Variants in UTY observed in about 807,000 individuals in gnomAD.
UTY encodes the protein ubiquitously transcribed tetratricopeptide repeat containing, Y-linked.
Under a neutral mutation model 32.5 loss-of-function variants are expected in UTY, and 12 were observed. That is an observed-to-expected ratio of 0.37 (90% CI 0.24 to 0.60). The LOEUF is 0.60. UTY is among the 20% of genes least tolerant of loss of function. The pLI is 0.69. For missense variants in UTY, 303 were observed against 299.2 expected, an observed-to-expected ratio of 1.01 and a Z score of -0.09; for synonymous variants, 131 against 103.4, an observed-to-expected ratio of 1.27 and a Z score of -1.62.
intron 21 of UTY, among the ~76,000 whole-genome samples, chrY:13,319,047 C>A: frequency 3.0e-5 from 1 of 33,125 alleles, no homozygotes; most frequent in Non-Finnish European, 7.4e-5. Flanking sequence ...AATAGTAATA[C>A]TCCCCTTCAA....
rs1358609486 is a variant in UTY, at chrY:13,335,613, T to C, written c.2784A>G (p.Ser928=). 1 of 398,760 alleles carries C rather than the reference T, an allele frequency of 2.5e-6. No individual in the cohort carries two copies. Among genetic ancestry groups the C allele is most frequent in the Admixed American group, 7.4e-5 (1 of 13,505 alleles). The change falls in exon 18 of 30, where the codon TCA becomes TCG. Residue 928 remains serine (S), a synonymous_variant. Coordinates refer to ENST00000545955, the MANE Select transcript of UTY (RefSeq NM_001258249.2). ...AACTGGGGCATATAGACACTGACAT[T>C]GATGGTAAGATCTGAGAAGTAGATC... is the stretch of plus-strand genomic sequence containing the variant. ...SHRSTSQILP[S]MSVSICPSST...
intron 21 of UTY, among the ~76,000 whole-genome samples, chrY:13,312,149 T>C: frequency 8.9e-5 from 3 of 33,663 alleles, no homozygotes; most frequent in Admixed American, 5.3e-4. Flanking sequence ...TCCCAGCACT[T>C]TGGGAGGCCG....
intron 4 of UTY, among the ~76,000 whole-genome samples, chrY:13,423,530 G>A (rs954674792): frequency 6.0e-5 from 2 of 33,235 alleles, no homozygotes; most frequent in African/African-American, 1.2e-4. Context: ...TCTCTACAAA[G>A]TAGAAGCAGA....
chrY:13,450,719 G>A, intron 3 of UTY, among the ~76,000 whole-genome samples: 1 of 31,093 alleles, frequency 3.2e-5, no homozygotes, highest in African/African-American at 1.3e-4. Flanking sequence ...AGCTACTCGG[G>A]ACGCTGAGGC....
chrY:13,479,620 C>G lies in UTY; in HGVS notation c.46G>C (p.Gly16Arg), dbSNP rs764927293. The G allele has an allele frequency of 8.3e-5, 33 of 397,868 alleles. No homozygotes were observed. Among genetic ancestry groups the G allele is most frequent in the Non-Finnish European group, 1.1e-4 (32 of 283,051 alleles). The stretch of plus-strand genomic sequence containing the variant: ...TCCGCCATTTTCTTTGCCTCATCAC[C>G]GAAGGCAACAGCGGCGGTAGTGAGC... ...VSLTTAAVAFGDEAKKMAEGK... is the reference protein window; with the variant it reads ...VSLTTAAVAFRDEAKKMAEGK... The change falls in exon 1 of 30, where the codon GGT becomes CGT. Residue 16 changes from glycine to arginine, a missense_variant. Physicochemically the swap from Gly to Arg is moderately radical, Grantham distance 125 (BLOSUM62 -2). Transcript: ENST00000545955.
intron 4 of UTY, among the ~76,000 whole-genome samples, chrY:13,420,321 C>T: frequency 9.1e-5 from 3 of 33,116 alleles, no homozygotes; most frequent in Admixed American, 8.2e-4. Flanking sequence ...CAATCCTAAG[C>T]AAAAAGACAA....
chrY:13,377,719 C>A, intron 8 of UTY, among the ~76,000 whole-genome samples: 1 of 32,733 alleles, frequency 3.1e-5, no homozygotes, highest in Non-Finnish European at 7.5e-5. Context: ...TCTCAAAAAA[C>A]AAAAAACAAA....
Position 13,262,440 on chromosome Y carries a change from A to G in UTY, c.4011-2036T>C, listed in dbSNP as rs908963034. ...ACTCTCTTCTGCTCACCATCTGTCA[A>G]TTTTTGTACCTACTCACCCCACCAC... On this transcript the variant is annotated intron_variant, in intron 27 of 29. Transcript: ENST00000545955. Among the ~76,000 whole-genome samples the G allele has an allele frequency of 9.4e-5, 3 of 32,036 alleles. No individual in the cohort carries two copies. In the South Asian group the frequency reaches 2.1e-3, roughly 23 times the overall value. The allele number at this position is 32,036 out of a possible 37,273, so 85.9% of individuals were successfully genotyped here.
chrY:13,270,917 CA>C (rs2056262426), intron 27 of UTY, among the ~76,000 whole-genome samples: 1 of 32,491 alleles, frequency 3.1e-5, no homozygotes, highest in Non-Finnish European at 7.5e-5. Context: ...CTTTGTTTAC[CA>C]AAAATAAAAA....
chrY:13,276,834 G>A, intron 27 of UTY, among the ~76,000 whole-genome samples: 5 of 33,714 alleles, frequency 1.5e-4, no homozygotes, highest in Non-Finnish European at 3.7e-4. Context: ...AGAGAAGACT[G>A]TGGTAATATT....
At chrY:13,465,145 T>C (rs2077803932) in intron 3 of UTY, among the ~76,000 whole-genome samples, 1 of 33,011 alleles carries the variant, frequency 3.0e-5, no homozygotes, top group Non-Finnish European at 7.5e-5. Flanking sequence ...CAATATAAAA[T>C]AACAAAATAA....
At chrY:13,255,693 A>T (rs936178177) in intron 28 of UTY, among the ~76,000 whole-genome samples, 3 of 33,656 alleles carry the variant, frequency 8.9e-5, no homozygotes, top group Non-Finnish European at 2.2e-4. Context: ...AATTCCAAAA[A>T]ATTGGCATTT....
At chrY:13,283,800 A>G in intron 27 of UTY, among the ~76,000 whole-genome samples, 1 of 33,765 alleles carries the variant, frequency 3.0e-5, no homozygotes, top group Non-Finnish European at 7.3e-5. Context: ...ATCTATATCA[A>G]TTCTAAGTTA....
At chrY:13,454,568 G>T in intron 3 of UTY, among the ~76,000 whole-genome samples, 1 of 31,436 alleles carries the variant, frequency 3.2e-5, no homozygotes, top group Non-Finnish European at 7.7e-5. Flanking sequence ...GGACCTAACT[G>T]AAGAAAGGAA....
intron 3 of UTY, among the ~76,000 whole-genome samples, chrY:13,459,908 C>G (rs555507091): frequency 1.3e-3 from 43 of 33,237 alleles, no homozygotes; most frequent in African/African-American, 5.0e-3. Flanking sequence ...ATGCCCAAAA[C>G]TTAAGTTTTA....
chrY:13,321,046 T>G (rs2059783501), intron 21 of UTY, among the ~76,000 whole-genome samples: 1 of 33,023 alleles, frequency 3.0e-5, no homozygotes, highest in Non-Finnish European at 7.5e-5. Context: ...ATAGCACAAA[T>G]GCAAGGCTGG....
chrY:13,435,115 G>T (rs961717316), intron 4 of UTY, among the ~76,000 whole-genome samples: 2 of 33,204 alleles, frequency 6.0e-5, no homozygotes, highest in African/African-American at 1.2e-4. Flanking sequence ...CAATACAAGA[G>T]AAATGCTGGA....
At chrY:13,424,490 G>A in intron 4 of UTY, among the ~76,000 whole-genome samples, 2 of 32,575 alleles carry the variant, frequency 6.1e-5, no homozygotes, top group African/African-American at 1.2e-4. Flanking sequence ...CTTTGGAGGC[G>A]GGCGGACCAA....
At chrY:13,365,411 CA>C (rs2064014664) in intron 10 of UTY, among the ~76,000 whole-genome samples, 23 of 4,953 alleles carry the variant, frequency 4.6e-3, no homozygotes, top group African/African-American at 0.019. Context: ...GACTGTGTCT[CA>C]AAAAAAAAAA....
Sources: gnomAD v4.1 joint callset for allele counts (sites outside exome capture counted in the v4.1 genomes callset) on GRCh38, gnomAD v4.1.1 for gene constraint, MANE v1.5 for transcripts, NCBI Gene and HGNC (gene_info 2026-07-23, HGNC 2026-07-21) for gene names.